PLEKHA7: variants seen among roughly 807,000 people sequenced by gnomAD.
PLEKHA7 encodes the protein pleckstrin homology domain-containing family A member 7.
PLEKHA7 carries 104 observed loss-of-function variants against 170.0 expected under a neutral mutation model. That is an observed-to-expected ratio of 0.61 (90% CI 0.52 to 0.72). The LOEUF is 0.72. Among genes scored for constraint, PLEKHA7 ranks in the 30% least tolerant of loss-of-function variants. The probability of loss-of-function intolerance (pLI) is 0.00; values close to 1 mark genes in which losing one functional copy is unlikely to be tolerated. For synonymous variants in PLEKHA7, 648 were observed against 660.8 expected, an observed-to-expected ratio of 0.98 and a Z score of 0.30; for missense variants, 1,615 against 1,671.7, an observed-to-expected ratio of 0.97 and a Z score of 0.59.
intron 3 of PLEKHA7, among the ~76,000 whole-genome samples, chr11:16,998,541 T>C (rs1435781895): frequency 2.0e-5 from 3 of 152,138 alleles, no homozygotes; most frequent in Non-Finnish European, 2.9e-5. Flanking sequence ...TACTTTCCTT[T>C]CCCCAAAAGA....
chr11:16,994,566 G>A (rs1044578648), intron 3 of PLEKHA7, among the ~76,000 whole-genome samples: 6 of 152,052 alleles, frequency 3.9e-5, no homozygotes, highest in African/African-American at 7.2e-5. Context: ...CCTTCCTCCC[G>A]TACAGCCTCA....
At chr11:16,992,331 G>T (rs1864094821) in intron 3 of PLEKHA7, among the ~76,000 whole-genome samples, 1 of 152,252 alleles carries the variant, frequency 6.6e-6, no homozygotes, top group African/African-American at 2.4e-5. Flanking sequence ...CGGTGAGGCA[G>T]CTTGGTGATA....
At chr11:16,920,282 C>A (rs1228120321) in intron 3 of PLEKHA7, among the ~76,000 whole-genome samples, 2 of 152,180 alleles carry the variant, frequency 1.3e-5, no homozygotes, top group African/African-American at 2.4e-5. Context: ...TAGCACAGTG[C>A]TTTACATAAA....
At chr11:16,811,418 T>C (rs1294776160) in intron 13 of PLEKHA7, among the ~76,000 whole-genome samples, 1 of 152,132 alleles carries the variant, frequency 6.6e-6, no homozygotes, top group Non-Finnish European at 1.5e-5. Context: ...TGACAAGAAC[T>C]ATGCAGGCAG....
At chr11:16,955,653 T>A (rs1175350351) in intron 3 of PLEKHA7, among the ~76,000 whole-genome samples, 1 of 152,206 alleles carries the variant, frequency 6.6e-6, no homozygotes, top group African/African-American at 2.4e-5. Flanking sequence ...AAGTTTTTAT[T>A]GTTTTTTCCC....
At chr11:16,852,103 G>A (rs1853017833) in intron 7 of PLEKHA7, among the ~76,000 whole-genome samples, 180 bp downstream of exon 7, 1 of 152,178 alleles carries the variant, frequency 6.6e-6, no homozygotes, top group South Asian at 2.1e-4. Flanking sequence ...TCCCAAATGG[G>A]ACAGAAACGG....
chr11:16,854,737 A>T (rs1853286017), intron 6 of PLEKHA7, 152 bp downstream of exon 6: 1 of 652,120 alleles, frequency 1.5e-6, no homozygotes. Context: ...CAAACGGCAA[A>T]TAATGCAGTG....
chr11:17,008,439 A>G (rs1865142204), intron 3 of PLEKHA7, among the ~76,000 whole-genome samples: 1 of 152,198 alleles, frequency 6.6e-6, no homozygotes, highest in Admixed American at 6.5e-5. Flanking sequence ...ATTGTTCTCA[A>G]CAGCAAGCGA....
At chr11:16,807,153 G>C in intron 13 of PLEKHA7, 3 of 984,584 alleles carry the variant, frequency 3.0e-6, no homozygotes, top group Non-Finnish European at 3.6e-6. Context: ...CGCTTCTCCT[G>C]GGCCGACAGC....
chr11:16,781,556 C>G (rs1849023853), intron 26 of PLEKHA7, among the ~76,000 whole-genome samples: 1 of 152,176 alleles, frequency 6.6e-6, no homozygotes, highest in African/African-American at 2.4e-5. Flanking sequence ...TCCTGCATCC[C>G]TAATCCCAGA....
intron 3 of PLEKHA7, among the ~76,000 whole-genome samples, chr11:16,930,379 C>G (rs10832702): frequency 0.61 from 92,901 of 152,000 alleles, 29,194 homozygotes; most frequent in East Asian, 0.89. Context: ...CCAGGAGCTA[C>G]AGATTACAAT....
At chr11:16,870,782 T>C (rs1854773212) in intron 4 of PLEKHA7, among the ~76,000 whole-genome samples, 2 of 152,098 alleles carry the variant, frequency 1.3e-5, no homozygotes, top group Admixed American at 6.6e-5. Flanking sequence ...GAGTGGGTCC[T>C]CTTCAAACAG....
chr11:16,807,782 C>G (rs1397798145), intron 13 of PLEKHA7, among the ~76,000 whole-genome samples: 3 of 152,162 alleles, frequency 2.0e-5, no homozygotes, highest in Non-Finnish European at 4.4e-5. Context: ...TGGATCTCAG[C>G]CCTTGCTGAA....
intron 23 of PLEKHA7, chr11:16,787,018 A>T (rs1186581160): frequency 2.0e-6 from 2 of 985,112 alleles, no homozygotes; most frequent in African/African-American, 3.5e-5. Context: ...ACTAAATCAT[A>T]TAAAATTGAA....
At chr11:16,781,090 C>T (rs747087102) in intron 26 of PLEKHA7, 264 of 850,890 alleles carry the variant, frequency 3.1e-4, no homozygotes, top group Non-Finnish European at 3.5e-4. Flanking sequence ...GTGTGTTAGA[C>T]TCCTCATCAG....
intron 3 of PLEKHA7, among the ~76,000 whole-genome samples, chr11:17,004,074 CA>C (rs1864836443): frequency 6.6e-6 from 1 of 152,090 alleles, no homozygotes; most frequent in Non-Finnish European, 1.5e-5. Context: ...ATTTAGAACA[CA>C]AAGCAATAAA....
At position 16,789,133 on chromosome 11, in the gene PLEKHA7, C is replaced by G; in HGVS notation, c.3320G>C (p.Arg1107Pro). The G allele has an allele frequency of 6.2e-7, 1 of 1,608,732 alleles. No homozygotes were observed. The highest frequency in any genetic ancestry group is 1.7e-4 in the Middle Eastern group (1 of 5,972). ...TCCAGGGAGCGGCCGGCTGAGGTAGCGAGATGAGGGCAGGCCCGTCCTCTC... is the reference window on the plus strand; with the variant it reads ...TCCAGGGAGCGGCCGGCTGAGGTAGGGAGATGAGGGCAGGCCCGTCCTCTC... ...QGERTGLPSS[R>P]YLSRPLPGDL... The change falls in exon 23 of 27, where the codon CGC becomes CCC. Residue 1107 changes from arginine (R) to proline (P), a missense_variant. Arg to Pro is a moderately radical substitution (Grantham distance 103, BLOSUM62 -2). Transcript: ENST00000531066. This position sits in a 1 kb window ranked among gnomAD's most constrained non-coding sequence, Gnocchi z 4.6.
intron 3 of PLEKHA7, 126 bp from the exon 4 acceptor site, chr11:16,871,308 C>T: frequency 1.4e-6 from 1 of 690,366 alleles, no homozygotes; most frequent in Non-Finnish European, 2.5e-6. Flanking sequence ...AAATGTGGGC[C>T]TTTCCTCTGA....
intron 3 of PLEKHA7, among the ~76,000 whole-genome samples, chr11:16,874,076 G>T (rs549266359): frequency 1.3e-5 from 2 of 152,132 alleles, no homozygotes; most frequent in Non-Finnish European, 2.9e-5. Flanking sequence ...TGCTCATAAC[G>T]GAAATAACCA....
Sources: allele counts gnomAD v4.1 joint callset (sites outside exome capture counted in the v4.1 genomes callset), GRCh38; gene constraint gnomAD v4.1.1; non-coding constraint Gnocchi (gnomAD v3.1); transcripts MANE v1.5; gene names NCBI Gene and HGNC (gene_info 2026-07-23, HGNC 2026-07-21).